Variants in ABCB1 observed in about 807,000 individuals in gnomAD.
ABCB1 encodes the protein ATP binding cassette subfamily B member 1.
Under a neutral mutation model 142.0 loss-of-function variants are expected in ABCB1, and 69 were observed. The ratio of observed to expected loss-of-function variants is 0.49; its 90% confidence interval spans 0.40 to 0.59. The LOEUF (loss-of-function observed/expected upper bound fraction) is 0.59. Ranked by LOEUF, ABCB1 falls within the 20% of genes least tolerant of loss-of-function variation. The pLI, the probability that ABCB1 is intolerant of heterozygous loss-of-function variation, is 0.00. For synonymous variants in ABCB1, 532 were observed against 539.2 expected (o/e 0.99, Z 0.18); for missense variants, 1,326 against 1,554.7 (o/e 0.85, Z 2.47).
chr7:87,691,200 G>A (rs1827985058), intron 1 of ABCB1, among the ~76,000 whole-genome samples: 1 of 151,888 alleles, frequency 6.6e-6, no homozygotes, highest in Admixed American at 6.6e-5. Flanking sequence ...TCTGTGTGAG[G>A]GCTAATTTCA....
chr7:87,608,377 A>G (rs900903131), intron 1 of ABCB1, among the ~76,000 whole-genome samples: 1 of 152,246 alleles, frequency 6.6e-6, no homozygotes. Context: ...ATTTGCTTGA[A>G]AGAAGTTTCA....
chr7:87,669,286 C>A (rs1585050784), intron 1 of ABCB1, among the ~76,000 whole-genome samples: 5 of 152,050 alleles, frequency 3.3e-5, no homozygotes, highest in Admixed American at 6.6e-5. Context: ...TGTCTGAATT[C>A]AGATTGCAAT....
At chr7:87,708,871 T>C (rs1390015200) in intron 1 of ABCB1, among the ~76,000 whole-genome samples, 2 of 152,220 alleles carry the variant, frequency 1.3e-5, no homozygotes, top group African/African-American at 4.8e-5. Context: ...TATATAAAGC[T>C]CTAAAACAGG....
At chr7:87,541,278 A>T in intron 18 of ABCB1, 79 bp downstream of exon 18, 1 of 989,214 alleles carries the variant, frequency 1.0e-6, no homozygotes, top group Non-Finnish European at 1.6e-6. Flanking sequence ...AAGGCCAATT[A>T]CACTGATGTT....
At chr7:87,560,189 C>G (rs1290948593) in intron 8 of ABCB1, among the ~76,000 whole-genome samples, 1 of 152,112 alleles carries the variant, frequency 6.6e-6, no homozygotes, top group Non-Finnish European at 1.5e-5. Context: ...AGCAGGACTC[C>G]TCATTTTATT....
chr7:87,628,937 C>G (rs912507395), intron 1 of ABCB1: 6 of 1,309,936 alleles, frequency 4.6e-6, no homozygotes, highest in South Asian at 3.2e-5. Context: ...ACCTGATCAC[C>G]GTGTGCAGGT....
intron 1 of ABCB1, among the ~76,000 whole-genome samples, chr7:87,665,997 A>T (rs544263790): frequency 1.3e-5 from 2 of 152,220 alleles, no homozygotes; most frequent in African/African-American, 4.8e-5. Context: ...CTGGGTATAT[A>T]CCCGGTAATG....
At chr7:87,565,922 T>C in intron 7 of ABCB1, 148 bp downstream of exon 7, 1 of 870,792 alleles carries the variant, frequency 1.1e-6, no homozygotes, top group East Asian at 2.6e-5. Flanking sequence ...TGAGGCTGGA[T>C]ATGCTTATCC....
chr7:87,542,825 T>C (rs892361744), intron 17 of ABCB1, among the ~76,000 whole-genome samples: 2 of 152,184 alleles, frequency 1.3e-5, no homozygotes, highest in African/African-American at 4.8e-5. Context: ...ATTGCTGTTG[T>C]GTACTACTAG....
intron 1 of ABCB1, among the ~76,000 whole-genome samples, chr7:87,628,097 A>G (rs1257397482): frequency 6.6e-6 from 1 of 152,202 alleles, no homozygotes; most frequent in African/African-American, 2.4e-5. Flanking sequence ...AATAGGTATC[A>G]GCCGTTAAAG....
At chr7:87,630,009 A>G (rs1821052616) in intron 1 of ABCB1, among the ~76,000 whole-genome samples, 1 of 152,046 alleles carries the variant, frequency 6.6e-6, no homozygotes, top group South Asian at 2.1e-4. Flanking sequence ...TTTAAGTCTT[A>G]TATCTGAGTA....
intron 3 of ABCB1, among the ~76,000 whole-genome samples, chr7:87,586,469 GA>G (rs994900498): frequency 4.6e-5 from 7 of 151,638 alleles, no homozygotes; most frequent in Admixed American, 2.0e-4. Context: ...AAACCAAAGG[GA>G]AAAAAAACAG....
chr7:87,622,570 C>T (rs1820262687), intron 1 of ABCB1, among the ~76,000 whole-genome samples: 1 of 152,056 alleles, frequency 6.6e-6, no homozygotes, highest in South Asian at 2.1e-4. Context: ...AAAATGAAAG[C>T]CTGAGCTCCA....
intron 1 of ABCB1, among the ~76,000 whole-genome samples, chr7:87,700,002 T>G (rs948354121): frequency 2.0e-5 from 3 of 149,762 alleles, no homozygotes; most frequent in South Asian, 2.1e-4. Flanking sequence ...GGTGGTGGGG[T>G]TTTTTTTTCT....
Position 87,509,439 on chromosome 7 carries a change from G to T in ABCB1, c.3325C>A (p.Leu1109Ile), listed in dbSNP as rs773651038. Residue 1109 changes from leucine to isoleucine, a missense_variant, in exon 26 of 28, where the codon CTC becomes ATC. Leu to Ile is a conservative substitution (Grantham distance 5). Transcript: ENST00000622132. ...GACACGATGCCCAGGTGTGCTCGGAGCCACTGAACATTCAGTCGCTTTATT... is the reference window on the plus strand; with the variant it reads ...GACACGATGCCCAGGTGTGCTCGGATCCACTGAACATTCAGTCGCTTTATT... ...KEIKRLNVQW[L>I]RAHLGIVSQE... The T allele has an allele frequency of 6.2e-7, 1 of 1,614,200 alleles. No individual in the cohort carries two copies. The highest frequency in any genetic ancestry group is 1.1e-5 in the South Asian group (1 of 91,078).
chr7:87,634,975 TC>T (rs1377495907), intron 1 of ABCB1, among the ~76,000 whole-genome samples: 2 of 152,180 alleles, frequency 1.3e-5, no homozygotes, highest in Non-Finnish European at 2.9e-5. Context: ...AAGGTCATTT[TC>T]TCTTCCCCCA....
intron 1 of ABCB1, among the ~76,000 whole-genome samples, chr7:87,696,819 T>G (rs973344647): frequency 6.6e-6 from 1 of 152,164 alleles, no homozygotes; most frequent in African/African-American, 2.4e-5. Context: ...TTTCTCAGTT[T>G]GTAATCTGGG....
At position 87,504,614 on chromosome 7, in the gene ABCB1, G is replaced by A. The variant is rs548064861; in HGVS notation, c.3637-165C>T. Among the ~76,000 whole-genome samples the A allele has an allele frequency of 3.5e-3, 538 of 152,182 alleles. 6 individuals carry two copies. Among genetic ancestry groups the A allele is most frequent in the Non-Finnish European group, 4.3e-3 (293 of 68,000 alleles). ...ACAAGGTCAGATTGAGACCATCCTG[G>A]CTAACACGGTGAAACCCCATCTCTA... On this transcript the variant is annotated intron_variant, in intron 27 of 27. Transcript: ENST00000622132.
intron 4 of ABCB1, among the ~76,000 whole-genome samples, chr7:87,584,422 C>T (rs973159337): frequency 6.6e-6 from 1 of 152,118 alleles, no homozygotes; most frequent in Non-Finnish European, 1.5e-5. Flanking sequence ...CAACATTTGA[C>T]CACCTGAGTG....
Sources: allele counts gnomAD v4.1 joint callset (sites outside exome capture counted in the v4.1 genomes callset), GRCh38; gene constraint gnomAD v4.1.1; transcripts MANE v1.5; gene names NCBI Gene and HGNC (gene_info 2026-07-23, HGNC 2026-07-21).